The following DST variants were observed in gnomAD, a reference collection of about 807,000 sequenced individuals.
DST encodes the protein dystonin.
In DST, 253 loss-of-function variants were observed where a neutral mutation model predicts 875.2. That is an observed-to-expected ratio of 0.29 (90% confidence interval 0.26 to 0.32). DST has a LOEUF of 0.32. DST is among the 10% of genes least tolerant of loss of function. DST has a pLI of 1.00. For missense variants in DST, 8,287 were observed against 9,111.6 expected (o/e 0.91, Z 3.68); for synonymous variants, 3,124 against 3,197.1 (o/e 0.98, Z 0.77).
At chr6:56,707,592 A>G (rs560598166) in intron 5 of DST, among the ~76,000 whole-genome samples, 1 of 152,258 alleles carries the variant, frequency 6.6e-6, no homozygotes, top group African/African-American at 2.4e-5. Context: ...TCTCTGGTCC[A>G]CTATGCCTAC....
chr6:56,739,811 AAGG>A (rs531047395), intron 4 of DST, among the ~76,000 whole-genome samples: 162 of 152,314 alleles, frequency 1.1e-3, no homozygotes, highest in African/African-American at 3.5e-3. Context: ...TATGGTCTAC[AAGG>A]AGGAGGCATG....
At chr6:56,868,500 T>C (rs1170489830) in intron 3 of DST, among the ~76,000 whole-genome samples, 1 of 152,196 alleles carries the variant, frequency 6.6e-6, no homozygotes, top group East Asian at 1.9e-4. Flanking sequence ...ATATTGTGTA[T>C]TGAGTAGCAC....
chr6:56,774,812 G>A (rs1258088772), intron 4 of DST, among the ~76,000 whole-genome samples: 1 of 151,970 alleles, frequency 6.6e-6, no homozygotes, highest in African/African-American at 2.4e-5. Flanking sequence ...GACCAACATG[G>A]AGAAACCCCA....
chr6:56,483,910 A>T (rs1177249054), intron 88 of DST: 1 of 152,126 alleles, frequency 6.6e-6, no homozygotes, highest in Non-Finnish European at 1.5e-5. Flanking sequence ...CGTATACACC[A>T]ATACACACAT....
At chr6:56,765,946 T>C (rs1430993243) in intron 4 of DST, among the ~76,000 whole-genome samples, 3 of 152,232 alleles carry the variant, frequency 2.0e-5, no homozygotes, top group African/African-American at 4.8e-5. Flanking sequence ...TTTGGGTTCA[T>C]TGTGTTTACT....
chr6:56,571,533 T>C (rs905722348), intron 53 of DST, among the ~76,000 whole-genome samples: 72 of 152,298 alleles, frequency 4.7e-4, no homozygotes, highest in African/African-American at 1.7e-3. Context: ...TATTCTAAAC[T>C]AACGTGAGAT....
intron 79 of DST, 96 bp from the exon 80 acceptor site, chr6:56,501,331 T>C: frequency 3.7e-6 from 5 of 1,358,124 alleles, no homozygotes; most frequent in Non-Finnish European, 4.9e-6. Flanking sequence ...TCATGTTGTA[T>C]AAGTCCATAA....
intron 49 of DST, among the ~76,000 whole-genome samples, chr6:56,591,288 C>G (rs1389314483): frequency 6.6e-6 from 1 of 152,216 alleles, no homozygotes; most frequent in Non-Finnish European, 1.5e-5. Flanking sequence ...TCTGAAAGAG[C>G]AGGTGGACTT....
At chr6:56,634,000 TTGAATAAA>T (rs1260012801) in intron 27 of DST, 124 bp downstream of exon 27, 2 of 1,091,160 alleles carry the variant, frequency 1.8e-6, no homozygotes, top group Non-Finnish European at 2.8e-6. Flanking sequence ...CAAATATTCA[TTGAATAAA>T]TGAATATTAG....
At chr6:56,597,699 GA>G in intron 47 of DST, 40 bp downstream of exon 47, 1 of 1,568,774 alleles carries the variant, frequency 6.4e-7, no homozygotes, top group Non-Finnish European at 8.7e-7. Flanking sequence ...TACCAACCTG[GA>G]AATAGAATTG....
At chr6:56,718,737 T>G (rs940807132) in intron 5 of DST, among the ~76,000 whole-genome samples, 1 of 152,202 alleles carries the variant, frequency 6.6e-6, no homozygotes, top group African/African-American at 2.4e-5. Flanking sequence ...TAAAAGGGAC[T>G]GAAGGAAGAT....
chr6:56,843,154 TTATC>T (rs761332411), intron 4 of DST: 3 of 1,561,216 alleles, frequency 1.9e-6, no homozygotes, highest in South Asian at 2.4e-5. Flanking sequence ...ATGCCGAAGT[TTATC>T]TAAGCGATGA....
intron 3 of DST, among the ~76,000 whole-genome samples, chr6:56,886,770 C>CAA (rs1784853771): frequency 1.8e-5 from 2 of 113,212 alleles, no homozygotes; most frequent in African/African-American, 6.8e-5. Flanking sequence ...GAGTGAAACT[C>CAA]AGTCTCAAAA....
chr6:56,775,854 A>C (rs1258178414), intron 4 of DST, among the ~76,000 whole-genome samples: 2 of 152,270 alleles, frequency 1.3e-5, no homozygotes, highest in Admixed American at 1.3e-4. Flanking sequence ...TTAAAAAATT[A>C]GAGAAGAAAG....
intron 15 of DST, among the ~76,000 whole-genome samples, chr6:56,645,505 A>T (rs1425992936): frequency 6.6e-6 from 1 of 152,192 alleles, no homozygotes; most frequent in Non-Finnish European, 1.5e-5. Context: ...GAACTATAGC[A>T]AAAAAATGTA....
chr6:56,669,933 C>T (rs2099091540), intron 10 of DST, among the ~76,000 whole-genome samples: 1 of 152,152 alleles, frequency 6.6e-6, no homozygotes, highest in African/African-American at 2.4e-5. Flanking sequence ...TTTACCACCC[C>T]AAAACTGGCA....
chr6:56,633,936 A>G (rs2098805328), intron 27 of DST, among the ~76,000 whole-genome samples, 196 bp downstream of exon 27: 1 of 152,126 alleles, frequency 6.6e-6, no homozygotes, highest in African/African-American at 2.4e-5. Context: ...GAAATTTGTG[A>G]TCTCCAGATT....
intron 61 of DST, among the ~76,000 whole-genome samples, chr6:56,544,145 G>A (rs1304489011): frequency 2.0e-5 from 3 of 152,158 alleles, no homozygotes; most frequent in African/African-American, 4.8e-5. Context: ...AAGAAAAATG[G>A]TCTCATACTT....
intron 1 of DST, among the ~76,000 whole-genome samples, 180 bp from the exon 2 acceptor site, chr6:56,953,999 T>C (rs1046952045): frequency 6.6e-5 from 10 of 152,174 alleles, no homozygotes; most frequent in African/African-American, 2.4e-4. Flanking sequence ...ACGTGATTTC[T>C]CCGCGAGAAG....
Sources: gnomAD v4.1 joint callset for allele counts (sites outside exome capture counted in the v4.1 genomes callset) on GRCh38, gnomAD v4.1.1 for gene constraint, MANE v1.5 for transcripts, NCBI Gene and HGNC (gene_info 2026-07-23, HGNC 2026-07-21) for gene names.